Variants in ACSS3 observed in about 807,000 individuals in gnomAD.
ACSS3 encodes acyl-CoA synthetase short chain family member 3.
A neutral mutation model predicts 84.2 loss-of-function variants in ACSS3; 64 were observed. The observed-to-expected ratio is 0.76, with a 90% CI of 0.62 to 0.94. The LOEUF (loss-of-function observed/expected upper bound fraction) is 0.94, where lower values mean the gene tolerates loss of function less well. Ranked by LOEUF, ACSS3 falls within the 40% of genes least tolerant of loss-of-function variation. The probability of loss-of-function intolerance (pLI) is 0.00; values close to 1 mark genes in which losing one functional copy is unlikely to be tolerated. For missense variants in ACSS3, 815 were observed against 867.6 expected, an observed-to-expected ratio of 0.94 and a Z score of 0.76; for synonymous variants, 317 against 310.1, an observed-to-expected ratio of 1.02 and a Z score of -0.23.
intron 7 of ACSS3, among the ~76,000 whole-genome samples, chr12:81,161,242 A>G (rs747085742): frequency 1.3e-5 from 2 of 152,230 alleles, no homozygotes; most frequent in Admixed American, 6.5e-5. Flanking sequence ...CTCAGCACCA[A>G]GAAAAAAGAA....
At chr12:81,102,897 G>A (rs1308283979) in intron 1 of ACSS3, among the ~76,000 whole-genome samples, 1 of 152,014 alleles carries the variant, frequency 6.6e-6, no homozygotes, top group Non-Finnish European at 1.5e-5. Context: ...TTAGATTCAG[G>A]GAGTGCTGAT....
At chr12:81,231,406 G>T (rs1412245437) in intron 12 of ACSS3, among the ~76,000 whole-genome samples, 1 of 151,740 alleles carries the variant, frequency 6.6e-6, no homozygotes, top group East Asian at 1.9e-4. Flanking sequence ...TCAGTATCAG[G>T]ACATTATTTG....
intron 1 of ACSS3, among the ~76,000 whole-genome samples, chr12:81,105,318 A>C (rs1882892831): frequency 6.6e-6 from 1 of 152,256 alleles, no homozygotes; most frequent in Non-Finnish European, 1.5e-5. Context: ...ACCAAATGGA[A>C]ATTTTAGAAC....
intron 9 of ACSS3, among the ~76,000 whole-genome samples, chr12:81,213,231 G>A (rs1421061963): frequency 6.6e-6 from 1 of 152,146 alleles, no homozygotes; most frequent in Non-Finnish European, 1.5e-5. Flanking sequence ...TAGGATTTCA[G>A]TTAAGGATTG....
Position 81,259,094 on chromosome 12 carries a change from G to T in ACSS3, c.*4172G>T, listed in dbSNP as rs990131401. ...ATCATTCTTTTTTACATGATCAGAG[G>T]CAGGTTGTTCAGCTTTAAGTATTGA... On this transcript the variant is annotated 3_prime_UTR_variant, in exon 16 of 16. Transcript: ENST00000548058. 1 of 172,588 alleles carries T rather than the reference G, an allele frequency of 5.8e-6. No homozygotes were observed. Among genetic ancestry groups the T allele is most frequent in the African/African-American group, 2.4e-5 (1 of 41,448 alleles). 10.7% of individuals were successfully genotyped at this position (172,588 alleles called of 1,614,324 possible). A position where few individuals can be genotyped will look rare whatever the true frequency, so the allele number is the denominator to read the frequency against.
At chr12:81,221,687 G>A (rs1331316657) in intron 11 of ACSS3, among the ~76,000 whole-genome samples, 1 of 152,040 alleles carries the variant, frequency 6.6e-6, no homozygotes, top group East Asian at 1.9e-4. Context: ...GCCAGAATCT[G>A]TGTTAACATA....
intron 2 of ACSS3, among the ~76,000 whole-genome samples, chr12:81,110,206 T>G (rs970640672): frequency 6.6e-5 from 10 of 152,220 alleles, no homozygotes; most frequent in African/African-American, 2.4e-4. Flanking sequence ...TCTAAGACAC[T>G]TTGAAATCTG....
rs542018989 is a variant in ACSS3 at position 81,240,235 on chromosome 12, C to A, written c.1719+6764C>A. Among the ~76,000 whole-genome samples the A allele has an allele frequency of 3.9e-5, 6 of 152,108 alleles. No homozygotes were observed. The South Asian group carries it at 1.2e-3, about 32-fold the overall frequency. The stretch of plus-strand genomic sequence containing the variant: ...TCCCAATTCTATCAGTTTTGCCTGA[C>A]ATACTTTGATGCCCTAAGGATCATC... On this transcript the variant is annotated intron_variant, in intron 13 of 15. Transcript: ENST00000548058.
At chr12:81,226,493 T>G (rs1252539176) in intron 11 of ACSS3, among the ~76,000 whole-genome samples, 3 of 151,886 alleles carry the variant, frequency 2.0e-5, no homozygotes, top group Non-Finnish European at 4.4e-5. Flanking sequence ...CTCATCTGTC[T>G]TCTGATTTCA....
intron 5 of ACSS3, among the ~76,000 whole-genome samples, chr12:81,150,667 G>A (rs1012602374): frequency 6.6e-6 from 1 of 152,172 alleles, no homozygotes; most frequent in Non-Finnish European, 1.5e-5. Flanking sequence ...GAGACCAGGT[G>A]TTGTTACAGG....
chr12:81,222,533 A>G (rs1402404757), intron 11 of ACSS3, among the ~76,000 whole-genome samples: 1 of 152,122 alleles, frequency 6.6e-6, no homozygotes, highest in Admixed American at 6.6e-5. Context: ...TGCCTGCAGT[A>G]TGTGTAGGAT....
chr12:81,206,652 T>G (rs2032363968), intron 9 of ACSS3, among the ~76,000 whole-genome samples: 1 of 152,134 alleles, frequency 6.6e-6, no homozygotes, highest in Admixed American at 6.6e-5. Flanking sequence ...ATGTCATTAT[T>G]GTTGCCTGGC....
intron 9 of ACSS3, among the ~76,000 whole-genome samples, chr12:81,209,669 G>A (rs1268229691): frequency 6.6e-6 from 1 of 152,004 alleles, no homozygotes; most frequent in Non-Finnish European, 1.5e-5. Context: ...GAAAGTAAAG[G>A]AAAAAAAGAG....
intron 13 of ACSS3, among the ~76,000 whole-genome samples, chr12:81,242,416 T>C (rs2033837826): frequency 6.6e-6 from 1 of 151,316 alleles, no homozygotes; most frequent in Admixed American, 6.6e-5. Flanking sequence ...CACAGCCAAA[T>C]TCTACCAGAG....
At chr12:81,164,144 G>A (rs1341865331) in intron 7 of ACSS3, among the ~76,000 whole-genome samples, 1 of 152,088 alleles carries the variant, frequency 6.6e-6, no homozygotes, top group African/African-American at 2.4e-5. Context: ...TGTAGGTGTA[G>A]CATTTTTTAT....
chr12:81,199,807 A>G, intron 9 of ACSS3: 1 of 611,496 alleles, frequency 1.6e-6, no homozygotes, highest in Non-Finnish European at 2.6e-6. Flanking sequence ...CAGCTGCATT[A>G]TCCTCTGTCC....
At chr12:81,091,367 T>C (rs1881657979) in intron 1 of ACSS3, among the ~76,000 whole-genome samples, 1 of 151,984 alleles carries the variant, frequency 6.6e-6, no homozygotes, top group South Asian at 2.1e-4. Context: ...AAAATTTTAA[T>C]ATATTAGAGT....
In ACSS3 at chr12:81,174,908, G is replaced by A; in HGVS notation, c.1219G>A (p.Ala407Thr). ...AGCAATCCGTCAACAGGACCCTGGG[G>A]CAGCTTTGGGGAAGCAGTACTCTCT... Reference protein sequence around the residue: ...IRAIRQQDPGAALGKQYSLTR... With the variant: ...IRAIRQQDPGTALGKQYSLTR... The change falls in exon 8 of 16, where the codon GCA becomes ACA. Residue 407 changes from alanine to threonine, a missense_variant. Transcript: ENST00000548058. 1.2e-6 allele frequency: 2 copies of A among 1,613,952 alleles called. No individual in the cohort carries two copies. Among genetic ancestry groups the A allele is most frequent in the Non-Finnish European group, 8.5e-7 (1 of 1,179,890 alleles).
intron 1 of ACSS3, among the ~76,000 whole-genome samples, chr12:81,087,602 G>T (rs1881403040): frequency 6.6e-6 from 1 of 151,992 alleles, no homozygotes; most frequent in African/African-American, 2.4e-5. Flanking sequence ...ATGAGTGCAT[G>T]GGAGCTTAGA....
Sources: allele counts gnomAD v4.1 joint callset (sites outside exome capture counted in the v4.1 genomes callset), GRCh38; gene constraint gnomAD v4.1.1; transcripts MANE v1.5; gene names NCBI Gene and HGNC (gene_info 2026-07-23, HGNC 2026-07-21).